Variants in DLL4 observed in about 807,000 individuals in gnomAD.
DLL4 encodes delta-like protein 4.
Under a neutral mutation model 73.6 loss-of-function variants are expected in DLL4, and 7 were observed. The ratio of observed to expected loss-of-function variants is 0.10; its 90% CI spans 0.05 to 0.18. DLL4 has a LOEUF of 0.18. Among genes scored for constraint, DLL4 ranks in the 10% least tolerant of loss-of-function variants. The pLI is 1.00. For missense variants in DLL4, 614 were observed against 929.9 expected, an observed-to-expected ratio of 0.66 and a Z score of 4.42; for synonymous variants, 345 against 374.3, an observed-to-expected ratio of 0.92 and a Z score of 0.90.
chr15:40,932,047 C>T (rs1892777869), intron 4 of DLL4, 124 bp from the exon 5 acceptor site: 3 of 1,179,716 alleles, frequency 2.5e-6, no homozygotes, highest in South Asian at 1.4e-5. Context: ...CGGGGCTCCT[C>T]TGGGAGGCCA....
rs774844925 is a variant in DLL4, at chr15:40,929,937, G to C, written c.157G>C (p.Gly53Arg). ...GGCCAGTGGGCGGCCTTGCGAGCCC[G>C]GCTGCCGGACTTTCTTCCGCGTCTG... The part of the protein sequence containing the change: ...VLASGRPCEP[G>R]CRTFFRVCLK... Residue 53 changes from glycine to arginine, a missense_variant, in exon 2 of 11, where the codon GGC (glycine) becomes CGC (arginine). By Grantham distance (125) the Gly-to-Arg change is moderately radical (BLOSUM62 -2). This residue lies in a region of DLL4 where 227 missense variants were observed against 370.8 expected (regional missense o/e 0.61). Coordinates refer to ENST00000249749, the MANE Select transcript of DLL4 (RefSeq NM_019074.4). The surrounding 1 kb of genome is among the most constrained non-coding windows in gnomAD (Gnocchi z 7.1). 6.2e-7 allele frequency: 1 copy of C among 1,613,096 alleles called. No homozygotes were observed. Among genetic ancestry groups the C allele is most frequent in the Non-Finnish European group, 8.5e-7 (1 of 1,179,822 alleles).
At chr15:40,935,144 G>A (rs1411645452) in intron 8 of DLL4, 27 bp downstream of exon 8, 1 of 1,596,846 alleles carries the variant, frequency 6.3e-7, no homozygotes, top group African/African-American at 1.3e-5. Flanking sequence ...TGCTAACCTG[G>A]TGGACTGGCC....
chr15:40,936,089 A>T lies in DLL4; in HGVS notation c.1241-139A>T, dbSNP rs927313901. The stretch of plus-strand genomic sequence containing the variant: ...GTCATGCTAAACTCCAGGTCTCCTG[A>T]CTCTGTGCAGTTCTCTTTGTAGTGG... On this transcript the variant is annotated intron_variant, in intron 8 of 10. Transcript: ENST00000249749. The T allele has an allele frequency of 2.6e-5, 18 of 692,132 alleles. No individual in the cohort carries two copies. The African/African-American group carries it at 3.2e-4, about 12-fold the overall frequency. 42.9% of individuals were successfully genotyped at this position (692,132 alleles called of 1,614,324 possible). A position where few individuals can be genotyped will look rare whatever the true frequency, so the allele number is the denominator to read the frequency against.
At position 40,929,831 on chromosome 15, in the gene DLL4, GGTC is replaced by G; in HGVS notation, c.67-15_67-13del. The G allele has an allele frequency of 6.2e-7, 1 of 1,609,876 alleles. No individual in the cohort carries two copies. Among genetic ancestry groups the G allele is most frequent in the Non-Finnish European group, 8.5e-7 (1 of 1,179,316 alleles). ...GACCGGTCCCCTCCCTCCTTCCCTC[GGTC>G]CCTGTGCAATAGCGCGCGGCCGGCT... On this transcript the variant is annotated splice_polypyrimidine_tract_variant and intron_variant, in intron 1 of 10. Transcript: ENST00000249749. This position sits in a 1 kb window ranked among gnomAD's most constrained non-coding sequence, Gnocchi z 7.1.
chr15:40,936,789 A>G lies in DLL4; in HGVS notation c.1802A>G (p.Asp601Gly), dbSNP rs1363665377. The change falls in exon 9 of 11, where the codon GAC (aspartate) becomes GGC (glycine). Residue 601 changes from aspartate (D) to glycine (G), a missense_variant. Physicochemically the swap from Asp to Gly is moderately conservative, Grantham distance 94. This residue lies in a region of DLL4 where 386 missense variants were observed against 541.3 expected (regional missense o/e 0.71). Coordinates refer to ENST00000249749, the MANE Select transcript of DLL4 (RefSeq NM_019074.4). ...KKELEVDCGL[D>G]KSNCGKQQNH... The stretch of plus-strand genomic sequence containing the variant: ...GAGCTGGAAGTGGACTGTGGCCTGG[A>G]CAAGTCCAACTGTGGCAAACAGCAA... 1.9e-6 allele frequency: 3 copies of G among 1,613,834 alleles called. No homozygotes were observed. The highest frequency in any genetic ancestry group is 1.1e-5 in the South Asian group (1 of 91,080).
chr15:40,935,227 C>T (rs1014211671), intron 8 of DLL4, 110 bp downstream of exon 8: 2 of 1,105,058 alleles, frequency 1.8e-6, no homozygotes, highest in African/African-American at 3.1e-5. Context: ...CTCTGGCCCC[C>T]CATCTGCTCT....
At position 40,938,017 on chromosome 15, in the gene DLL4, G is replaced by C; in HGVS notation, c.2053-12G>C. Reference sequence around the variant, plus strand: ...AGGGTAACCTGTTTCCCTGCCTTCCGCTTGCTCCCAGGTATAAGGCAGGAG... The same window carrying C: ...AGGGTAACCTGTTTCCCTGCCTTCCCCTTGCTCCCAGGTATAAGGCAGGAG... On this transcript the variant is annotated splice_polypyrimidine_tract_variant and intron_variant, in intron 10 of 10. Transcript: ENST00000249749. 6.2e-7 allele frequency: 1 copy of C among 1,600,006 alleles called. No individual in the cohort carries two copies. Among genetic ancestry groups the C allele is most frequent in the Non-Finnish European group, 8.5e-7 (1 of 1,173,858 alleles).
chr15:40,937,467 A>C lies in DLL4; in HGVS notation c.1993A>C (p.Met665Leu), dbSNP rs201304131. 14 of 1,613,836 alleles carry C rather than the reference A, an allele frequency of 8.7e-6. No individual in the cohort carries two copies. The East Asian group carries it at 2.7e-4, about 31-fold the overall frequency. Residue 665 changes from methionine (M) to leucine (L), a missense_variant, in exon 10 of 11, where the codon ATG (methionine) becomes CTG (leucine). By Grantham distance (15) the Met-to-Leu change is conservative. This residue lies in a region of DLL4 where 386 missense variants were observed against 541.3 expected (regional missense o/e 0.71). Transcript: ENST00000249749. The stretch of plus-strand genomic sequence containing the variant: ...AGCGATATGCTCCCCCAGGGACTCC[A>C]TGTACCAGTCTGTGTGTTTGATATC... ...ISAICSPRDSMYQSVCLISEE... is the reference protein window; with the variant it reads ...ISAICSPRDSLYQSVCLISEE...
intron 9 of DLL4, among the ~76,000 whole-genome samples, 154 bp downstream of exon 9, chr15:40,937,084 C>G (rs1892856842): frequency 6.6e-6 from 1 of 152,196 alleles, no homozygotes; most frequent in Admixed American, 6.5e-5. Context: ...GGTCCTTTGT[C>G]CTTCCCTCCC....
At position 40,938,378 on chromosome 15, in the gene DLL4, C is replaced by T; in HGVS notation, c.*344C>T. 1 of 234,996 alleles carries T rather than the reference C, an allele frequency of 4.3e-6. No homozygotes were observed. The highest frequency in any genetic ancestry group is 8.4e-5 in the East Asian group (1 of 11,898). 14.6% of individuals were successfully genotyped at this position (234,996 alleles called of 1,614,324 possible). The stretch of plus-strand genomic sequence containing the variant: ...AGAGAGTGGCAGTAGCCCCATGGGG[C>T]CCGGAGCTGCTGTGGCCTCCACTGG... On this transcript the variant is annotated 3_prime_UTR_variant, in exon 11 of 11. Coordinates refer to ENST00000249749, the MANE Select transcript of DLL4 (RefSeq NM_019074.4).
At position 40,930,092 on chromosome 15, in the gene DLL4, A is replaced by G; in HGVS notation, c.312A>G (p.Gln104=). ...GCGGCGGGGGGCGCAACCCTCTCCA[A>G]CTGCCCTTCAATTTCACCTGGCCGG... ...DSSGGGRNPL[Q]LPFNFTWPGT... is the part of the protein sequence containing the mutation. Residue 104 remains glutamine, a synonymous_variant, in exon 2 of 11, where the codon CAA becomes CAG. Transcript: ENST00000249749. The surrounding 1 kb of genome is among the most constrained non-coding windows in gnomAD (Gnocchi z 5.7). The G allele has an allele frequency of 1.2e-6, 2 of 1,606,938 alleles. No homozygotes were observed. Among genetic ancestry groups the G allele is most frequent in the Non-Finnish European group, 8.5e-7 (1 of 1,177,656 alleles).
rs1438467184 is a variant in DLL4, at chr15:40,937,544, C to T, written c.2052+18C>T. The stretch of plus-strand genomic sequence containing the variant: ...CCACGGAGGTGAGTGCTGGGCTCGC[C>T]TTTCCTTCTGCCTTTTGTGGGAGGG... On this transcript the variant is annotated intron_variant, in intron 10 of 10. Transcript: ENST00000249749. 1.4e-5 allele frequency: 22 copies of T among 1,554,634 alleles called. No homozygotes were observed. Among genetic ancestry groups the T allele is most frequent in the Non-Finnish European group, 2.0e-5 (22 of 1,125,874 alleles).
At chr15:40,934,323 TAAAA>T (rs561583510) in intron 6 of DLL4, among the ~76,000 whole-genome samples, 1 of 109,732 alleles carries the variant, frequency 9.1e-6, no homozygotes, top group Non-Finnish European at 1.9e-5. Context: ...GAGACTCTGT[TAAAA>T]AAAAAAAAAA....
intron 7 of DLL4, 87 bp from the exon 8 acceptor site, chr15:40,934,811 G>A (rs1227338871): frequency 4.4e-6 from 7 of 1,585,292 alleles, no homozygotes; most frequent in Admixed American, 3.4e-5. Flanking sequence ...CCATGGACAG[G>A]CATTGTGGGC....
rs1892849666 is a variant in DLL4, at chr15:40,936,642, T to C, written c.1655T>C (p.Val552Ala). 2 of 1,610,242 alleles carry C rather than the reference T, an allele frequency of 1.2e-6. No homozygotes were observed. The highest frequency in any genetic ancestry group is 1.3e-5 in the African/African-American group (1 of 74,910). The change falls in exon 9 of 11, where the codon GTG (valine) becomes GCG (alanine). Residue 552 changes from valine to alanine, a missense_variant. This residue lies in a region of DLL4 where 386 missense variants were observed against 541.3 expected (regional missense o/e 0.71). Transcript: ENST00000249749. ...LVLLGMVAVAVRQLRLRRPDD... is the reference protein window; with the variant it reads ...LVLLGMVAVAARQLRLRRPDD... ...CTGCTGGGCATGGTGGCAGTGGCTG[T>C]GCGGCAGCTGCGGCTTCGACGGCCG...
chr15:40,936,660 G>A lies in DLL4; in HGVS notation c.1673G>A (p.Arg558Gln), dbSNP rs986124396. Residue 558 changes from arginine to glutamine, a missense_variant, in exon 9 of 11, where the codon CGA (arginine) becomes CAA (glutamine). Coordinates refer to ENST00000249749, the MANE Select transcript of DLL4 (RefSeq NM_019074.4). ...GTGGCTGTGCGGCAGCTGCGGCTTC[G>A]ACGGCCGGACGACGGCAGCAGGGAA... is the stretch of plus-strand genomic sequence containing the variant. ...VAVAVRQLRL[R>Q]RPDDGSREAM... 2.7e-5 allele frequency: 44 copies of A among 1,612,294 alleles called. No individual in the cohort carries two copies. Among genetic ancestry groups the A allele is most frequent in the African/African-American group, 5.3e-5 (4 of 74,926 alleles).
Position 40,938,145 on chromosome 15 carries a change from C to T in DLL4, c.*111C>T. On this transcript the variant is annotated 3_prime_UTR_variant, in exon 11 of 11. Transcript: ENST00000249749. ...TTTTTCATATGCAACGTGCTGCTCT[C>T]AGGAGGAGGAGGGAATGGCAGGAAC... 1 of 1,238,780 alleles carries T rather than the reference C, an allele frequency of 8.1e-7. No homozygotes were observed. The highest frequency in any genetic ancestry group is 1.1e-6 in the Non-Finnish European group (1 of 929,098). 76.7% of individuals were successfully genotyped at this position (1,238,780 alleles called of 1,614,324 possible).
At position 40,934,935 on chromosome 15, in the gene DLL4, G is replaced by T. The variant is rs1892821728; in HGVS notation, c.1058G>T (p.Gly353Val). 1 of 1,613,724 alleles carries T rather than the reference G, an allele frequency of 6.2e-7. No homozygotes were observed. The highest frequency in any genetic ancestry group is 8.5e-7 in the Non-Finnish European group (1 of 1,179,880). The change falls in exon 8 of 11, where the codon GGC becomes GTC. Residue 353 changes from glycine to valine, a missense_variant. Gly to Val is a moderately radical substitution (Grantham distance 109). Transcript: ENST00000249749. ...GGCTACCACTGCCTGTGTCCTCCGG[G>T]CTACTATGGCCTGCATTGTGAACAC... ...EDGYHCLCPP[G>V]YYGLHCEHST...
chr15:40,937,994 G>T (rs375810161), intron 10 of DLL4, 35 bp from the exon 11 acceptor site: 28 of 1,602,054 alleles, frequency 1.7e-5, no homozygotes, highest in Non-Finnish European at 1.8e-5. Context: ...GCATGCCCAG[G>T]GTAACCTGTT....
Sources: gnomAD v4.1 joint callset for allele counts (sites outside exome capture counted in the v4.1 genomes callset) on GRCh38, gnomAD v4.1.1 for gene constraint, gnomAD v4.1.1 regional missense constraint, Gnocchi (gnomAD v3.1) non-coding constraint, MANE v1.5 for transcripts, NCBI Gene and HGNC (gene_info 2026-07-23, HGNC 2026-07-21) for gene names.